Variants in COMMD1 observed in about 807,000 individuals in gnomAD.
COMMD1 encodes the protein copper metabolism domain containing 1, also known as COMM domain-containing protein 1.
In COMMD1, 10 loss-of-function variants were observed where a neutral mutation model predicts 17.2. The observed-to-expected ratio is 0.58, with a 90% confidence interval of 0.36 to 0.99. The LOEUF (loss-of-function observed/expected upper bound fraction) is 0.99. COMMD1 is among the 50% of genes least tolerant of loss of function. The probability of loss-of-function intolerance (pLI) is 0.01; values close to 1 mark genes in which losing one functional copy is unlikely to be tolerated. For synonymous variants in COMMD1, 97 were observed against 91.6 expected (o/e 1.06, Z -0.34); for missense variants, 270 against 231.8 (o/e 1.17, Z -1.07).
intron 1 of COMMD1, among the ~76,000 whole-genome samples, chr2:61,984,371 T>C (rs1023769285): frequency 2.0e-5 from 3 of 152,262 alleles, no homozygotes; most frequent in Non-Finnish European, 4.4e-5. Context: ...AATTTCCTTC[T>C]TAATCTCTTT....
At chr2:61,983,650 C>G (rs1672019492) in intron 1 of COMMD1, among the ~76,000 whole-genome samples, 1 of 152,128 alleles carries the variant, frequency 6.6e-6, no homozygotes, top group South Asian at 2.1e-4. Flanking sequence ...TCATGGTAGC[C>G]TCTAATCCTT....
chr2:61,991,957 A>G (rs940189471), intron 1 of COMMD1, among the ~76,000 whole-genome samples: 15 of 152,224 alleles, frequency 9.9e-5, no homozygotes, highest in Non-Finnish European at 1.3e-4. Flanking sequence ...CTTATAATTC[A>G]CATATAATAA....
Position 61,905,821 on chromosome 2 carries a change from T to TCCG in COMMD1, c.146_148dup (p.Arg49dup). The TCCG allele has an allele frequency of 2.5e-6, 4 of 1,614,232 alleles. No homozygotes were observed. The highest frequency in any genetic ancestry group is 3.4e-6 in the Non-Finnish European group (4 of 1,180,042). On this transcript the variant is annotated inframe_insertion, in exon 1 of 3. Coordinates refer to ENST00000311832, the MANE Select transcript of COMMD1 (RefSeq NM_152516.4). Reference sequence around the variant, plus strand: ...TATCCAGAGGTGCCACCCGAGGAGTTCCGCCCCTTTCTGGCAAAGATGAGG... The same window carrying TCCG: ...TATCCAGAGGTGCCACCCGAGGAGTTCCGCCGCCCCTTTCTGGCAAAGATGAGG...
chr2:62,122,242 G>A (rs1672768577), intron 2 of COMMD1, among the ~76,000 whole-genome samples: 1 of 152,094 alleles, frequency 6.6e-6, no homozygotes, highest in Non-Finnish European at 1.5e-5. Context: ...TTAAGTGCTG[G>A]CGCTTACGTA....
intron 1 of COMMD1, among the ~76,000 whole-genome samples, chr2:61,968,787 A>G (rs574775777): frequency 6.6e-6 from 1 of 151,984 alleles, no homozygotes; most frequent in East Asian, 1.9e-4. Flanking sequence ...CAAATTCCTG[A>G]GCTCAAGCAG....
rs910568101 is a variant in COMMD1, at chr2:62,048,435, G to A, written c.462+47453G>A. 2.0e-5 allele frequency among the ~76,000 whole-genome samples: 3 copies of A among 151,886 alleles called. 1 individual carries two copies. In the South Asian group the frequency reaches 6.2e-4, roughly 32 times the overall value. ...GATCTCCTGACCTCGTGATCCGCCC[G>A]CCTCGCCCTCCCAAAGTGCTGGGAT... On this transcript the variant is annotated intron_variant, in intron 2 of 2. Transcript: ENST00000311832.
At chr2:62,130,920 G>C (rs767487719) in intron 2 of COMMD1, among the ~76,000 whole-genome samples, 93 of 152,318 alleles carry the variant, frequency 6.1e-4, no homozygotes, top group Non-Finnish European at 9.1e-4. Flanking sequence ...CTCTAACCTT[G>C]CTAGGAAGTG....
At chr2:62,020,260 A>G (rs969367020) in intron 2 of COMMD1, among the ~76,000 whole-genome samples, 1 of 152,244 alleles carries the variant, frequency 6.6e-6, no homozygotes, top group Non-Finnish European at 1.5e-5. Context: ...TGTTGGTACA[A>G]AGGTGTCGTT....
intron 1 of COMMD1, among the ~76,000 whole-genome samples, chr2:61,930,636 T>C (rs1271497362): frequency 1.3e-5 from 2 of 151,674 alleles, no homozygotes; most frequent in Non-Finnish European, 1.5e-5. Flanking sequence ...TGTGTGTGTG[T>C]GTGTGTGTGT....
chr2:62,027,652 TTA>T (rs1480457394), intron 2 of COMMD1, among the ~76,000 whole-genome samples: 39 of 141,198 alleles, frequency 2.8e-4, no homozygotes, highest in African/African-American at 8.3e-4. Context: ...TTATGTTATG[TTA>T]TGTTGTGTTA....
At chr2:61,939,895 T>G (rs1670698083) in intron 1 of COMMD1, among the ~76,000 whole-genome samples, 1 of 152,178 alleles carries the variant, frequency 6.6e-6, no homozygotes, top group Non-Finnish European at 1.5e-5. Flanking sequence ...GAATCAGTCC[T>G]AGGGACAAAA....
intron 2 of COMMD1, among the ~76,000 whole-genome samples, chr2:62,017,121 A>G (rs544544553): frequency 6.6e-6 from 1 of 152,362 alleles, no homozygotes; most frequent in African/African-American, 2.4e-5. Context: ...CAAATAAGCT[A>G]AACTTCCTTT....
At chr2:61,907,365 G>C (rs1178558815) in intron 1 of COMMD1, among the ~76,000 whole-genome samples, 1 of 152,124 alleles carries the variant, frequency 6.6e-6, no homozygotes, top group Non-Finnish European at 1.5e-5. Flanking sequence ...TCGGCCTCCC[G>C]GAGTGCCAGG....
chr2:62,025,097 G>A (rs1408777804), intron 2 of COMMD1, among the ~76,000 whole-genome samples: 2 of 152,140 alleles, frequency 1.3e-5, no homozygotes, highest in African/African-American at 4.8e-5. Flanking sequence ...GTGCACACCT[G>A]TAATGCCAGC....
intron 1 of COMMD1, among the ~76,000 whole-genome samples, chr2:61,908,224 ACT>A (rs1669820094): frequency 6.9e-6 from 1 of 143,976 alleles, no homozygotes; most frequent in Non-Finnish European, 1.5e-5. Flanking sequence ...TCTTTATTGA[ACT>A]CTTTTTTTTT....
chr2:61,897,437 G>A (rs942829531), intron 1 of COMMD1, among the ~76,000 whole-genome samples: 1 of 152,170 alleles, frequency 6.6e-6, no homozygotes, highest in Non-Finnish European at 1.5e-5. Flanking sequence ...AGAACCCTAA[G>A]ATGGGAAGGG....
At chr2:61,927,038 C>T (rs560223465) in intron 1 of COMMD1, among the ~76,000 whole-genome samples, 1 of 152,166 alleles carries the variant, frequency 6.6e-6, no homozygotes, top group Middle Eastern at 3.4e-3. Context: ...AATAAATGTT[C>T]CCATGAATTG....
At chr2:62,106,143 A>G (rs1470522236) in intron 2 of COMMD1, among the ~76,000 whole-genome samples, 1 of 152,260 alleles carries the variant, frequency 6.6e-6, no homozygotes, top group African/African-American at 2.4e-5. Flanking sequence ...TATTACAGGC[A>G]TAAGCCATTG....
upstream of COMMD1, among the ~76,000 whole-genome samples, chr2:61,905,253 G>C (rs1669741325): frequency 6.6e-6 from 1 of 152,152 alleles, no homozygotes; most frequent in Non-Finnish European, 1.5e-5. Flanking sequence ...CTGAAAAAAA[G>C]GATGACAGGT....
Sources: gnomAD v4.1 joint callset for allele counts (sites outside exome capture counted in the v4.1 genomes callset) on GRCh38, gnomAD v4.1.1 for gene constraint, MANE v1.5 for transcripts, NCBI Gene and HGNC (gene_info 2026-07-23, HGNC 2026-07-21) for gene names.